Variants in CHRM2 observed in about 807,000 individuals in gnomAD.
CHRM2 encodes the protein muscarinic acetylcholine receptor M2.
In CHRM2, 8 loss-of-function variants were observed where a neutral mutation model predicts 25.0. The observed-to-expected ratio is 0.32, with a 90% confidence interval of 0.19 to 0.58. The LOEUF is 0.58. CHRM2 is among the 20% of genes least tolerant of loss of function. CHRM2 has a pLI of 0.88. For synonymous variants in CHRM2, 202 were observed against 205.7 expected (o/e 0.98, Z 0.15); for missense variants, 440 against 567.1 (o/e 0.78, Z 2.28).
chr7:136,974,350 A>G (rs1161066347), intron 2 of CHRM2, among the ~76,000 whole-genome samples: 1 of 152,192 alleles, frequency 6.6e-6, no homozygotes, highest in Non-Finnish European at 1.5e-5. Flanking sequence ...CCAAGTGCCA[A>G]CTGACAACAT....
Position 137,015,476 on chromosome 7 carries a change from T to C in CHRM2, c.611T>C (p.Val204Ala). ...AFYLPVIIMTVLYWHISRASK... is the reference protein window; with the variant it reads ...AFYLPVIIMTALYWHISRASK... ...TATTTGCCAGTGATCATCATGACTG[T>C]GCTATATTGGCACATATCCCGAGCC... The change falls in exon 4 of 4, where the codon GTG becomes GCG. Residue 204 changes from valine to alanine, a missense_variant. By Grantham distance (64) the Val-to-Ala change is moderately conservative. This residue lies in a region of CHRM2 where 261 missense variants were observed against 261.8 expected (regional missense o/e 1.00). Coordinates refer to ENST00000680005, the MANE Select transcript of CHRM2 (RefSeq NM_001006630.2). This position sits in a 1 kb window ranked among gnomAD's most constrained non-coding sequence, Gnocchi z 5.1. 6.2e-7 allele frequency: 1 copy of C among 1,613,230 alleles called. No individual in the cohort carries two copies. The highest frequency in any genetic ancestry group is 8.5e-7 in the Non-Finnish European group (1 of 1,179,604).
chr7:136,970,362 C>T (rs921872935), intron 2 of CHRM2, among the ~76,000 whole-genome samples: 1 of 152,082 alleles, frequency 6.6e-6, no homozygotes, highest in African/African-American at 2.4e-5. Flanking sequence ...AGTCTTTTTG[C>T]CTTCATGACT....
intron 2 of CHRM2, among the ~76,000 whole-genome samples, chr7:136,974,886 G>A (rs1802014538): frequency 6.6e-6 from 1 of 152,158 alleles, no homozygotes; most frequent in Non-Finnish European, 1.5e-5. Flanking sequence ...TTGAAGGTGA[G>A]AACTGATGAG....
intron 2 of CHRM2, among the ~76,000 whole-genome samples, chr7:136,898,534 T>C (rs1797027328): frequency 6.6e-6 from 1 of 151,324 alleles, no homozygotes; most frequent in Non-Finnish European, 1.5e-5. Context: ...TGTGTGTGTG[T>C]CTGTGTGTGT....
At position 137,016,000 on chromosome 7, in the gene CHRM2, C is replaced by G. The variant is rs36044268; in HGVS notation, c.1135C>G (p.Pro379Ala). The change falls in exon 4 of 4, where the codon CCT (proline) becomes GCT (alanine). Residue 379 changes from proline (P) to alanine (A), a missense_variant. Physicochemically the swap from Pro to Ala is conservative, Grantham distance 27. Transcript: ENST00000680005. This position sits in a 1 kb window ranked among gnomAD's most constrained non-coding sequence, Gnocchi z 5.1. ...GCAGCCTGCAAAAAAGAAGCCTCCT[C>G]CTTCCCGGGAAAAGAAAGTCACCAG... The part of the protein sequence containing the change: ...TKQPAKKKPP[P>A]SREKKVTRTI... The G allele has an allele frequency of 6.2e-7, 1 of 1,613,146 alleles. No individual in the cohort carries two copies. The highest frequency in any genetic ancestry group is 1.7e-5 in the Admixed American group (1 of 59,926).
chr7:136,948,348 A>T (rs1800192760), intron 2 of CHRM2, among the ~76,000 whole-genome samples: 1 of 152,200 alleles, frequency 6.6e-6, no homozygotes, highest in African/African-American at 2.4e-5. Context: ...GTCATAAAGT[A>T]GAATATTAAA....
At chr7:136,900,898 G>A (rs1444346036) in intron 2 of CHRM2, among the ~76,000 whole-genome samples, 2 of 151,956 alleles carry the variant, frequency 1.3e-5, no homozygotes, top group Non-Finnish European at 1.5e-5. Context: ...AGATCTGAAT[G>A]ATATGGGTAG....
intron 2 of CHRM2, among the ~76,000 whole-genome samples, chr7:136,908,548 T>G (rs1259730329): frequency 6.6e-6 from 1 of 151,882 alleles, no homozygotes. Context: ...CTGACACAGG[T>G]GAGGCCACTT....
At chr7:137,010,642 G>A (rs1008076223) in intron 3 of CHRM2, among the ~76,000 whole-genome samples, 4 of 151,862 alleles carry the variant, frequency 2.6e-5, no homozygotes, top group East Asian at 3.9e-4. Flanking sequence ...CACTGCTTGC[G>A]ATTGCTTCTA....
intron 2 of CHRM2, among the ~76,000 whole-genome samples, chr7:136,908,994 GT>G (rs1797700819): frequency 6.6e-6 from 1 of 151,812 alleles, no homozygotes; most frequent in Admixed American, 6.6e-5. Flanking sequence ...TGAATTATGA[GT>G]TTTTTGTTTT....
At chr7:136,903,515 T>A (rs1404591983) in intron 2 of CHRM2, 1 of 166,972 alleles carries the variant, frequency 6.0e-6, no homozygotes, top group Non-Finnish European at 1.3e-5. Context: ...AAAAAGCTGA[T>A]TAGAAATGAT....
intron 2 of CHRM2, among the ~76,000 whole-genome samples, chr7:136,954,229 T>C (rs144056798): frequency 0.014 from 2,197 of 152,278 alleles, 27 homozygotes; most frequent in Non-Finnish European, 0.023. Flanking sequence ...CCTATACATT[T>C]ATATATGTGT....
intron 2 of CHRM2, chr7:136,899,644 AC>A (rs1454037527): frequency 1.3e-5 from 2 of 152,110 alleles, no homozygotes; most frequent in Non-Finnish European, 2.9e-5. Flanking sequence ...GGACTATTCC[AC>A]TACTCTCTTT....
chr7:136,876,719 C>T (rs1034058249), intron 2 of CHRM2, among the ~76,000 whole-genome samples: 4 of 152,002 alleles, frequency 2.6e-5, no homozygotes, highest in African/African-American at 9.7e-5. Flanking sequence ...TCTTTTGAAG[C>T]TATCTGTATT....
intron 2 of CHRM2, among the ~76,000 whole-genome samples, chr7:136,908,936 C>T (rs143138041): frequency 3.3e-5 from 5 of 152,018 alleles, no homozygotes; most frequent in African/African-American, 1.2e-4. Flanking sequence ...AATGCCTAGT[C>T]AATCACTAAT....
At chr7:136,871,511 A>T (rs893036492) in intron 2 of CHRM2, 2 of 152,738 alleles carry the variant, frequency 1.3e-5, no homozygotes, top group African/African-American at 4.8e-5. Context: ...AATAAACTCC[A>T]GAGTAAGGAA....
At chr7:136,883,256 C>A (rs1237168660) in intron 2 of CHRM2, among the ~76,000 whole-genome samples, 1 of 152,162 alleles carries the variant, frequency 6.6e-6, no homozygotes, top group Non-Finnish European at 1.5e-5. Flanking sequence ...GCATCTTTCC[C>A]TGTCTTCAGC....
chr7:136,966,878 A>T (rs926651521), intron 2 of CHRM2, among the ~76,000 whole-genome samples: 2 of 152,042 alleles, frequency 1.3e-5, no homozygotes, highest in Admixed American at 1.3e-4. Context: ...AAATGGTGTC[A>T]TAATACAGGA....
chr7:136,914,777 G>A (rs1798016979), intron 2 of CHRM2, among the ~76,000 whole-genome samples: 1 of 151,848 alleles, frequency 6.6e-6, no homozygotes, highest in African/African-American at 2.4e-5. Flanking sequence ...ACCATTCAAG[G>A]GGAATAGCTG....
Sources: gnomAD v4.1 joint callset for allele counts (sites outside exome capture counted in the v4.1 genomes callset) on GRCh38, gnomAD v4.1.1 for gene constraint, gnomAD v4.1.1 regional missense constraint, Gnocchi (gnomAD v3.1) non-coding constraint, MANE v1.5 for transcripts, NCBI Gene and HGNC (gene_info 2026-07-23, HGNC 2026-07-21) for gene names.